UGP2: variants seen among roughly 807,000 people sequenced by gnomAD.
UGP2 encodes the protein UDP-glucose pyrophosphorylase 2.
A neutral mutation model predicts 49.0 loss-of-function variants in UGP2; 40 were observed. That is an observed-to-expected ratio of 0.82 (90% confidence interval 0.63 to 1.06). The LOEUF is 1.06. Among genes scored for constraint, UGP2 ranks in the 50% least tolerant of loss-of-function variants. The pLI is 0.00. For missense variants in UGP2, 460 were observed against 603.5 expected (o/e 0.76, Z 2.49); for synonymous variants, 225 against 213.0 (o/e 1.06, Z -0.49).
chr2:63,878,378 C>G (rs1671065671), intron 3 of UGP2, among the ~76,000 whole-genome samples: 1 of 152,150 alleles, frequency 6.6e-6, no homozygotes, highest in Admixed American at 6.5e-5. Context: ...TTGCATAACA[C>G]TTTTGTCTTT....
chr2:63,843,936 G>A lies in UGP2; in HGVS notation c.19+1732G>A, dbSNP rs540427781. The stretch of plus-strand genomic sequence containing the variant: ...GTCTTACTGTGTTGTCCACGCTGGA[G>A]TACAGTGGGTATTCACAGGAACAAT... On this transcript the variant is annotated intron_variant, in intron 1 of 9. Transcript: ENST00000337130. Among the ~76,000 whole-genome samples, 4 of 152,070 alleles carry A rather than the reference G, an allele frequency of 2.6e-5. No homozygotes were observed. The South Asian group carries it at 8.3e-4, about 32-fold the overall frequency.
chr2:63,875,966 C>T (rs552752428), intron 3 of UGP2, among the ~76,000 whole-genome samples: 21 of 152,148 alleles, frequency 1.4e-4, no homozygotes, highest in African/African-American at 3.9e-4. Context: ...ATGTGATGTT[C>T]CCTGTGTTGT....
intron 1 of UGP2, chr2:63,842,656 T>C: frequency 1.4e-6 from 2 of 1,396,212 alleles, no homozygotes; most frequent in Non-Finnish European, 1.9e-6. Flanking sequence ...CTACTTCGTT[T>C]GTGTGTACGT....
At chr2:63,889,157 T>TG (rs1182296078) in intron 8 of UGP2, 1 of 152,182 alleles carries the variant, frequency 6.6e-6, no homozygotes, top group Non-Finnish European at 1.5e-5. Flanking sequence ...TATGGAGGTT[T>TG]GGGAGCCTCA....
At chr2:63,857,421 T>C (rs1669517901) in intron 2 of UGP2, 1 of 301,486 alleles carries the variant, frequency 3.3e-6, no homozygotes, top group Non-Finnish European at 6.6e-6. Flanking sequence ...TGGAGTGCAG[T>C]GGTGCAATCT....
Position 63,885,854 on chromosome 2 carries a change from G to A in UGP2, c.841G>A (p.Glu281Lys). ...TGGAAAACGCTGTGAATTTGTCATG[G>A]AAGTCACAAATAAAACACGTGCAGA... ...PNGKRCEFVMEVTNKTRADVK... is the reference protein window; with the variant it reads ...PNGKRCEFVMKVTNKTRADVK... Residue 281 changes from glutamate to lysine, a missense_variant, in exon 6 of 10, where the codon GAA becomes AAA. Physicochemically the swap from Glu to Lys is moderately conservative, Grantham distance 56. Coordinates refer to ENST00000337130, the MANE Select transcript of UGP2 (RefSeq NM_006759.4). The A allele has an allele frequency of 6.3e-7, 1 of 1,597,738 alleles. No individual in the cohort carries two copies. Among genetic ancestry groups the A allele is most frequent in the Non-Finnish European group, 8.5e-7 (1 of 1,173,240 alleles).
At chr2:63,841,654 G>T (rs6710763), upstream of UGP2, 117,148 of 152,728 alleles carry the variant, frequency 0.77, 45,300 homozygotes, top group East Asian at 0.91. Context: ...TGCCCCCGCT[G>T]GCCGGCCTCG....
intron 2 of UGP2, chr2:63,857,590 C>T (rs529559835): frequency 1.1e-5 from 6 of 544,884 alleles, no homozygotes; most frequent in South Asian, 6.0e-5. Flanking sequence ...GTCTCAAACT[C>T]CTGAGCTCAA....
In UGP2 at chr2:63,856,401, A is replaced by G. The variant is rs1243543932; in HGVS notation, c.115A>G (p.Ile39Val). Residue 39 changes from isoleucine (I) to valine (V), a missense_variant, in exon 2 of 10, where the codon ATA becomes GTA. By Grantham distance (29) the Ile-to-Val change is conservative. Coordinates refer to ENST00000337130, the MANE Select transcript of UGP2 (RefSeq NM_006759.4). Reference sequence around the variant, plus strand: ...ATCTGTGAAGAAGGAACTAGAAAAAATACTCACCACAGCATCATCACATGA... The same window carrying G: ...ATCTGTGAAGAAGGAACTAGAAAAAGTACTCACCACAGCATCATCACATGA... ...ELSVKKELEK[I>V]LTTASSHEFE... The G allele has an allele frequency of 1.9e-6, 3 of 1,613,366 alleles. No homozygotes were observed. The highest frequency in any genetic ancestry group is 1.1e-5 in the South Asian group (1 of 91,078).
In UGP2 at chr2:63,841,898, G is replaced by C. The variant is rs1248486214; in HGVS notation, c.-288G>C. On this transcript the variant is annotated 5_prime_UTR_variant, in exon 1 of 10. Transcript: ENST00000337130. The stretch of plus-strand genomic sequence containing the variant: ...GTTCGTGTGGTTTTACCTTTTCCGG[G>C]AGTCTCCAGCTGGCCCTCATTTGTG... The C allele has an allele frequency of 2.7e-6, 1 of 376,304 alleles. No individual in the cohort carries two copies. Among genetic ancestry groups the C allele is most frequent in the African/African-American group, 2.1e-5 (1 of 48,094 alleles). 23.3% of individuals were successfully genotyped at this position (376,304 alleles called of 1,614,324 possible). A position where few individuals can be genotyped will look rare whatever the true frequency, so the allele number is the denominator to read the frequency against.
At chr2:63,864,049 G>C (rs1382238133) in intron 3 of UGP2, among the ~76,000 whole-genome samples, 1 of 152,176 alleles carries the variant, frequency 6.6e-6, no homozygotes, top group Non-Finnish European at 1.5e-5. Flanking sequence ...ATGAAGCAAA[G>C]CTTTAAGCAT....
upstream of UGP2, among the ~76,000 whole-genome samples, chr2:63,841,393 G>C (rs1357883101): frequency 1.3e-5 from 2 of 152,096 alleles, no homozygotes; most frequent in African/African-American, 4.8e-5. Flanking sequence ...TGTACGGGAA[G>C]GGTCGGTGCC....
intron 3 of UGP2, among the ~76,000 whole-genome samples, chr2:63,863,752 G>A (rs1558944744): frequency 6.6e-6 from 1 of 152,118 alleles, no homozygotes; most frequent in African/African-American, 2.4e-5. Flanking sequence ...GGAAGGACAA[G>A]GTAATAACTA....
At chr2:63,885,979 TAAAC>T (rs749538721) in intron 6 of UGP2, 93 bp downstream of exon 6, 43 of 1,319,942 alleles carry the variant, frequency 3.3e-5, no homozygotes, top group Admixed American at 1.8e-4. Flanking sequence ...GTTTCTATGT[TAAAC>T]AACACATTTA....
At chr2:63,887,832 T>A in intron 8 of UGP2, 188 bp downstream of exon 8, 1 of 781,378 alleles carries the variant, frequency 1.3e-6, no homozygotes, top group Non-Finnish European at 1.9e-6. Flanking sequence ...TGAAACATGA[T>A]TGCCATATGG....
intron 3 of UGP2, among the ~76,000 whole-genome samples, chr2:63,865,242 C>G (rs182597539): frequency 5.3e-5 from 8 of 152,202 alleles, no homozygotes; most frequent in Admixed American, 5.2e-4. Context: ...CAAATTTTCC[C>G]GTAGAAAATG....
At chr2:63,877,466 T>C (rs572782872) in intron 3 of UGP2, among the ~76,000 whole-genome samples, 1 of 152,366 alleles carries the variant, frequency 6.6e-6, no homozygotes, top group East Asian at 1.9e-4. Context: ...TTCTGAATAC[T>C]TTCTCATTTA....
chr2:63,856,400 A>C lies in UGP2; in HGVS notation c.114A>C (p.Lys38Asn). The change falls in exon 2 of 10, where the codon AAA becomes AAC. Residue 38 changes from lysine (K) to asparagine (N), a missense_variant. By Grantham distance (94) the Lys-to-Asn change is moderately conservative. Transcript: ENST00000337130. ...TATCTGTGAAGAAGGAACTAGAAAA[A>C]ATACTCACCACAGCATCATCACATG... ...LELSVKKELEKILTTASSHEF... is the reference protein window; with the variant it reads ...LELSVKKELENILTTASSHEF... 6.2e-7 allele frequency: 1 copy of C among 1,613,346 alleles called. No homozygotes were observed. The highest frequency in any genetic ancestry group is 8.5e-7 in the Non-Finnish European group (1 of 1,180,014).
intron 1 of UGP2, 96 bp from the exon 2 acceptor site, chr2:63,856,210 T>C: frequency 1.3e-6 from 2 of 1,482,544 alleles, no homozygotes; most frequent in South Asian, 2.7e-5. Context: ...TTGAGCCCTT[T>C]TCATTTGCTG....
Sources: gnomAD v4.1 joint callset for allele counts (sites outside exome capture counted in the v4.1 genomes callset) on GRCh38, gnomAD v4.1.1 for gene constraint, MANE v1.5 for transcripts, NCBI Gene and HGNC (gene_info 2026-07-23, HGNC 2026-07-21) for gene names.